The following LRRC4C variants were observed in gnomAD, a reference collection of about 807,000 sequenced individuals.
The protein encoded by LRRC4C is leucine rich repeat containing 4C, also known as leucine-rich repeat-containing protein 4C.
Under a neutral mutation model 33.6 loss-of-function variants are expected in LRRC4C, and 5 were observed. That is an observed-to-expected ratio of 0.15 (90% CI 0.08 to 0.31). The LOEUF (loss-of-function observed/expected upper bound fraction) is 0.31, where lower values mean the gene tolerates loss of function less well. Among genes scored for constraint, LRRC4C ranks in the 10% least tolerant of loss-of-function variants. The probability of loss-of-function intolerance (pLI) is 1.00; values close to 1 mark genes in which losing one functional copy is unlikely to be tolerated. For synonymous variants in LRRC4C, 329 were observed against 302.0 expected, an observed-to-expected ratio of 1.09 and a Z score of -0.93; for missense variants, 560 against 796.7, an observed-to-expected ratio of 0.70 and a Z score of 3.58.
chr11:41,017,765 G>T (rs1461112044), intron 1 of LRRC4C, among the ~76,000 whole-genome samples: 1 of 149,560 alleles, frequency 6.7e-6, no homozygotes, highest in Non-Finnish European at 1.5e-5. Flanking sequence ...TTATTAATCA[G>T]AATATATATA....
chr11:40,649,392 C>A (rs1443891886), intron 2 of LRRC4C, among the ~76,000 whole-genome samples: 2 of 152,152 alleles, frequency 1.3e-5, no homozygotes, highest in African/African-American at 4.8e-5. Context: ...ATCTTCCCTA[C>A]TTGCACATCC....
rs533367417 is a variant in LRRC4C at position 41,254,407 on chromosome 11, G to T, written c.-496+205024C>A. 1.7e-3 allele frequency among the ~76,000 whole-genome samples: 253 copies of T among 152,060 alleles called. 1 individual carries two copies. The highest frequency in any genetic ancestry group is 5.7e-3 in the African/African-American group (238 of 41,504). On this transcript the variant is annotated intron_variant, in intron 1 of 6. Transcript: ENST00000528697. ...AACGTCTTCAAATTCCTGAAATATT[G>T]TTTAGCTCAGGTCACATTTAAAGTC... is the stretch of plus-strand genomic sequence containing the variant.
intron 1 of LRRC4C, among the ~76,000 whole-genome samples, chr11:40,973,286 A>C (rs1851858362): frequency 6.6e-6 from 1 of 152,150 alleles, no homozygotes; most frequent in East Asian, 1.9e-4. Context: ...GAAGAAAGCT[A>C]GTCCACTTTA....
intron 3 of LRRC4C, among the ~76,000 whole-genome samples, chr11:40,372,518 T>G (rs1948493639): frequency 6.6e-6 from 1 of 152,274 alleles, no homozygotes; most frequent in African/African-American, 2.4e-5. Flanking sequence ...TATTTTAAGG[T>G]TTGCAATCTT....
chr11:40,182,093 T>C (rs896776789), intron 5 of LRRC4C, among the ~76,000 whole-genome samples: 1 of 152,242 alleles, frequency 6.6e-6, no homozygotes, highest in African/African-American at 2.4e-5. Flanking sequence ...TTCTGCCTAT[T>C]AATTTGAAAG....
intron 1 of LRRC4C, among the ~76,000 whole-genome samples, chr11:41,068,898 G>A (rs1435018093): frequency 6.6e-6 from 1 of 152,068 alleles, no homozygotes; most frequent in Non-Finnish European, 1.5e-5. Flanking sequence ...GAAAAAGAGG[G>A]ACTCCTCCCT....
At chr11:40,424,731 T>C (rs891528564) in intron 3 of LRRC4C, among the ~76,000 whole-genome samples, 1 of 152,214 alleles carries the variant, frequency 6.6e-6, no homozygotes, top group Non-Finnish European at 1.5e-5. Flanking sequence ...CAAATGTACA[T>C]GGTTTGAATG....
At chr11:40,306,939 T>G (rs1377102) in intron 4 of LRRC4C, among the ~76,000 whole-genome samples, 2 of 150,708 alleles carry the variant, frequency 1.3e-5, no homozygotes, top group African/African-American at 2.4e-5. Flanking sequence ...CAAGGTTATC[T>G]GGTTTTTTTT....
intron 2 of LRRC4C, among the ~76,000 whole-genome samples, chr11:40,687,658 C>A (rs1945026307): frequency 6.6e-6 from 1 of 152,022 alleles, no homozygotes; most frequent in South Asian, 2.1e-4. Flanking sequence ...ATGAGAAATG[C>A]TAAACTTTGT....
At chr11:40,834,124 T>A (rs1591834451) in intron 2 of LRRC4C, among the ~76,000 whole-genome samples, 1 of 152,100 alleles carries the variant, frequency 6.6e-6, no homozygotes, top group Non-Finnish European at 1.5e-5. Context: ...TTAAAAAAAA[T>A]AATCTCACAG....
intron 3 of LRRC4C, among the ~76,000 whole-genome samples, chr11:40,536,644 A>G (rs561276484): frequency 6.6e-6 from 1 of 152,238 alleles, no homozygotes; most frequent in African/African-American, 2.4e-5. Flanking sequence ...TTTCTAAGCC[A>G]TCTAACGTTA....
intron 3 of LRRC4C, among the ~76,000 whole-genome samples, chr11:40,386,924 T>C (rs561492869): frequency 1.3e-5 from 2 of 152,314 alleles, no homozygotes; most frequent in South Asian, 2.1e-4. Flanking sequence ...TTGCAATCAA[T>C]TGAACTTCTC....
intron 1 of LRRC4C, among the ~76,000 whole-genome samples, chr11:41,055,108 C>T (rs921846568): frequency 6.6e-6 from 1 of 152,130 alleles, no homozygotes; most frequent in Non-Finnish European, 1.5e-5. Flanking sequence ...TCTAGCCTCC[C>T]TTTTCCTCAG....
rs755711151 is a variant in LRRC4C at position 40,924,100 on chromosome 11, A to ATGTG, written c.-407+9531_-407+9534dup. Among the ~76,000 whole-genome samples, 305 of 144,874 alleles carry ATGTG rather than the reference A, an allele frequency of 2.1e-3. 1 individual carries two copies. The highest frequency in any genetic ancestry group is 5.4e-3 in the South Asian group (25 of 4,592). On this transcript the variant is annotated intron_variant, in intron 2 of 6. Coordinates refer to ENST00000528697, the MANE Select transcript of LRRC4C (RefSeq NM_001258419.2). ...TGTGTGTATATATGTGTGTGTGTGT[A>ATGTG]TGTGTGTGTGTGTGTGTGTGTGTAT...
chr11:40,331,489 A>C (rs560718950), intron 3 of LRRC4C, among the ~76,000 whole-genome samples: 1 of 152,312 alleles, frequency 6.6e-6, no homozygotes, highest in Non-Finnish European at 1.5e-5. Flanking sequence ...AAAGAATGAA[A>C]TACTGTCATT....
intron 2 of LRRC4C, among the ~76,000 whole-genome samples, chr11:40,768,761 A>G (rs768668967): frequency 2.0e-5 from 3 of 152,102 alleles, no homozygotes; most frequent in Non-Finnish European, 2.9e-5. Flanking sequence ...AACTGATGCT[A>G]AAAAATCAGT....
At chr11:40,564,330 A>G (rs1957670624) in intron 3 of LRRC4C, among the ~76,000 whole-genome samples, 1 of 152,224 alleles carries the variant, frequency 6.6e-6, no homozygotes, top group South Asian at 2.1e-4. Flanking sequence ...AGAGCTGGGA[A>G]TGCTGGAATG....
rs115393912 is a variant in LRRC4C at position 40,528,151 on chromosome 11, G to C, written c.-270+119991C>G. Among the ~76,000 whole-genome samples, 1,371 of 151,948 alleles carry C rather than the reference G, an allele frequency of 9.0e-3. 18 individuals carry two copies. The highest frequency in any genetic ancestry group is 0.031 in the African/African-American group (1,271 of 41,470). ...TGATTTCTTGGATATAACACCGAAA[G>C]CAAAGCAAAAAAGCAAAAATAGGCA... On this transcript the variant is annotated intron_variant, in intron 3 of 6. Coordinates refer to ENST00000528697, the MANE Select transcript of LRRC4C (RefSeq NM_001258419.2).
intron 3 of LRRC4C, among the ~76,000 whole-genome samples, chr11:40,630,105 T>C (rs4523685): frequency 0.45 from 68,809 of 151,896 alleles, 16,776 homozygotes; most frequent in Middle Eastern, 0.6. Flanking sequence ...TTAACCTCAG[T>C]TGTAGACTTT....
Sources: gnomAD v4.1 joint callset for allele counts (sites outside exome capture counted in the v4.1 genomes callset) on GRCh38, gnomAD v4.1.1 for gene constraint, MANE v1.5 for transcripts, NCBI Gene and HGNC (gene_info 2026-07-23, HGNC 2026-07-21) for gene names.